CARM1: variants seen among roughly 807,000 people sequenced by gnomAD.
CARM1 encodes histone-arginine methyltransferase CARM1.
A neutral mutation model predicts 72.7 loss-of-function variants in CARM1; 14 were observed. That is an observed-to-expected ratio of 0.19 (90% confidence interval 0.13 to 0.30). The LOEUF (loss-of-function observed/expected upper bound fraction) is 0.30, where lower values mean the gene tolerates loss of function less well. Ranked by LOEUF, CARM1 falls within the 10% of genes least tolerant of loss-of-function variation. The pLI, the probability that CARM1 is intolerant of heterozygous loss-of-function variation, is 1.00. For missense variants in CARM1, 432 were observed against 833.7 expected (o/e 0.52, Z 5.93); for synonymous variants, 333 against 345.5 (o/e 0.96, Z 0.40).
At chr19:10,895,913 TG>T (rs2074020586) in intron 1 of CARM1, among the ~76,000 whole-genome samples, 2 of 151,700 alleles carry the variant, frequency 1.3e-5, no homozygotes. Flanking sequence ...GAGGGGAGGG[TG>T]ATCTCTAAGG....
At chr19:10,879,750 A>G (rs1476317808) in intron 1 of CARM1, among the ~76,000 whole-genome samples, 2 of 152,138 alleles carry the variant, frequency 1.3e-5, no homozygotes, top group African/African-American at 4.8e-5. Flanking sequence ...AGTAGCTAGG[A>G]TTATAAGTGC....
chr19:10,901,073 C>G (rs1228609470), intron 1 of CARM1, among the ~76,000 whole-genome samples: 2 of 151,838 alleles, frequency 1.3e-5, no homozygotes, highest in Non-Finnish European at 2.9e-5. Flanking sequence ...CCTCCACCTC[C>G]CTGATTCAAG....
intron 1 of CARM1, among the ~76,000 whole-genome samples, chr19:10,886,563 C>T (rs995724820): frequency 5.3e-5 from 8 of 150,910 alleles, no homozygotes; most frequent in African/African-American, 1.7e-4. Flanking sequence ...TGCGGTGGCT[C>T]ACGCCTGTAA....
rs551522074 is a variant in CARM1, at chr19:10,887,824, G to A, written c.220+15902G>A. ...GGCAGCTTCTCCCTGACCCAACTTCGATTTCCTCCATTGGAGGCTGCCTCC... is the reference window on the plus strand; with the variant it reads ...GGCAGCTTCTCCCTGACCCAACTTCAATTTCCTCCATTGGAGGCTGCCTCC... On this transcript the variant is annotated intron_variant, in intron 1 of 15. Transcript: ENST00000327064. Among the ~76,000 whole-genome samples, 6 of 152,192 alleles carry A rather than the reference G, an allele frequency of 3.9e-5. No homozygotes were observed. In the East Asian group the frequency reaches 9.7e-4, roughly 25 times the overall value.
chr19:10,894,536 G>A, intron 1 of CARM1, among the ~76,000 whole-genome samples: 1 of 152,022 alleles, frequency 6.6e-6, no homozygotes, highest in Non-Finnish European at 1.5e-5. Context: ...GTACCATTTG[G>A]ACAACGGCTT....
At chr19:10,873,312 A>C (rs1305800396) in intron 1 of CARM1, among the ~76,000 whole-genome samples, 1 of 152,048 alleles carries the variant, frequency 6.6e-6, no homozygotes, top group East Asian at 1.9e-4. Context: ...CCTTTAAAAA[A>C]TTTTTTTAGG....
intron 1 of CARM1, among the ~76,000 whole-genome samples, chr19:10,893,141 G>A (rs190321718): frequency 4.3e-4 from 66 of 151,978 alleles, no homozygotes; most frequent in Middle Eastern, 6.8e-3. Context: ...AGGTTCAAGT[G>A]ATTCTCCTGC....
chr19:10,898,623 G>T (rs1461863796), intron 1 of CARM1, among the ~76,000 whole-genome samples: 1 of 152,226 alleles, frequency 6.6e-6, no homozygotes, highest in Non-Finnish European at 1.5e-5. Context: ...GCCTTGAGAG[G>T]ATGCCACAGT....
At chr19:10,886,513 C>A (rs989376725) in intron 1 of CARM1, among the ~76,000 whole-genome samples, 21 of 149,810 alleles carry the variant, frequency 1.4e-4, no homozygotes, top group Admixed American at 8.0e-4. Flanking sequence ...TCATTTTTAT[C>A]TTTTATCTTT....
chr19:10,907,736 G>A (rs1599703424), intron 2 of CARM1, among the ~76,000 whole-genome samples: 1 of 152,134 alleles, frequency 6.6e-6, no homozygotes, highest in East Asian at 1.9e-4. Context: ...CGGTGGGCGT[G>A]TGCTTGAGAG....
chr19:10,916,691 C>T lies in CARM1; in HGVS notation c.939-5C>T. 1 of 1,569,250 alleles carries T rather than the reference C, an allele frequency of 6.4e-7. No individual in the cohort carries two copies. The highest frequency in any genetic ancestry group is 1.2e-5 in the South Asian group (1 of 85,616). ...CCTTGCTGTGGGGGTGGGGCCTGTC[C>T]ACAGGTACCAGCCATCTTTCCATGG... On this transcript the variant is annotated splice_polypyrimidine_tract_variant and splice_region_variant and intron_variant, in intron 7 of 15. Transcript: ENST00000327064. The surrounding 1 kb of genome is among the most constrained non-coding windows in gnomAD (Gnocchi z 4.4).
chr19:10,875,026 A>G (rs1409073185), intron 1 of CARM1, among the ~76,000 whole-genome samples: 1 of 151,432 alleles, frequency 6.6e-6, no homozygotes, highest in Non-Finnish European at 1.5e-5. Context: ...CCTGTCTGAA[A>G]AAAAAAAAAA....
chr19:10,921,347 T>G (rs371020521), intron 14 of CARM1, 28 bp from the exon 15 acceptor site: 85 of 1,609,592 alleles, frequency 5.3e-5, no homozygotes, highest in Non-Finnish European at 6.8e-5. Flanking sequence ...CCGTCTCCCT[T>G]CCTTCTTTCC....
At chr19:10,894,160 G>A (rs1272347453) in intron 1 of CARM1, among the ~76,000 whole-genome samples, 1 of 152,158 alleles carries the variant, frequency 6.6e-6, no homozygotes, top group Non-Finnish European at 1.5e-5. Context: ...CAGCTTCCGT[G>A]CTTTCCCTCC....
At chr19:10,906,564 G>A (rs2074105615) in intron 2 of CARM1, among the ~76,000 whole-genome samples, 1 of 152,180 alleles carries the variant, frequency 6.6e-6, no homozygotes, top group Admixed American at 6.5e-5. Flanking sequence ...CCAGGTTCAA[G>A]CGATTCTCCT....
intron 1 of CARM1, among the ~76,000 whole-genome samples, chr19:10,891,206 C>T (rs1376428305): frequency 6.6e-6 from 1 of 152,066 alleles, no homozygotes; most frequent in Non-Finnish European, 1.5e-5. Flanking sequence ...TGCCACACTA[C>T]TGTGTGCCCG....
At position 10,896,685 on chromosome 19, in the gene CARM1, G is replaced by C. The variant is rs1372503586; in HGVS notation, c.221-8266G>C. On this transcript the variant is annotated intron_variant, in intron 1 of 15. Transcript: ENST00000327064. This position sits in a 1 kb window ranked among gnomAD's most constrained non-coding sequence, Gnocchi z 5.2. ...CTGTCTGGGCCACCCCTGTTTCCCT[G>C]CGTTCCTGCACTCTTCCCCTTACTG... 1.3e-5 allele frequency among the ~76,000 whole-genome samples: 2 copies of C among 152,120 alleles called. No individual in the cohort carries two copies. The highest frequency in any genetic ancestry group is 3.9e-4 in the East Asian group (2 of 5,188).
chr19:10,922,876 G>A lies in CARM1; in HGVS notation c.*1119G>A, dbSNP rs892699177. The stretch of plus-strand genomic sequence containing the variant: ...TGTGTGCACCCAGGCAGGAGCGGGC[G>A]CTGTCCAGGCTGGGCCGCCCCCTTG... On this transcript the variant is annotated 3_prime_UTR_variant, in exon 16 of 16. Transcript: ENST00000327064. 7.9e-5 allele frequency: 13 copies of A among 163,852 alleles called. No individual in the cohort carries two copies. In the East Asian group the frequency reaches 1.5e-3, roughly 19 times the overall value. 10.1% of individuals were successfully genotyped at this position (163,852 alleles called of 1,614,324 possible).
chr19:10,872,060 A>G, intron 1 of CARM1, 138 bp downstream of exon 1: 1 of 724,732 alleles, frequency 1.4e-6, no homozygotes. Context: ...GCCTGCAGGG[A>G]GCGACCGTGG....
Sources: allele counts gnomAD v4.1 joint callset (sites outside exome capture counted in the v4.1 genomes callset), GRCh38; gene constraint gnomAD v4.1.1; non-coding constraint Gnocchi (gnomAD v3.1); transcripts MANE v1.5; gene names NCBI Gene and HGNC (gene_info 2026-07-23, HGNC 2026-07-21).